The following TRIM24 variants were observed in gnomAD, a reference collection of about 807,000 sequenced individuals.
TRIM24 encodes transcription intermediary factor 1-alpha.
Under a neutral mutation model 123.9 loss-of-function variants are expected in TRIM24, and 29 were observed. That is an observed-to-expected ratio of 0.23 (90% CI 0.17 to 0.32). TRIM24 has a LOEUF of 0.32. Among genes scored for constraint, TRIM24 ranks in the 10% least tolerant of loss-of-function variants. The pLI is 1.00. For synonymous variants in TRIM24, 456 were observed against 461.1 expected (o/e 0.99, Z 0.14); for missense variants, 932 against 1,295.3 (o/e 0.72, Z 4.31).
At chr7:138,506,477 A>G (rs79337229) in intron 2 of TRIM24, among the ~76,000 whole-genome samples, 638 of 152,352 alleles carry the variant, frequency 4.2e-3, no homozygotes, top group Non-Finnish European at 6.2e-3. Context: ...TCAATCCAGA[A>G]AACTAAAAAA....
intron 9 of TRIM24, among the ~76,000 whole-genome samples, chr7:138,562,982 C>T (rs1797458040): frequency 6.6e-6 from 1 of 152,186 alleles, no homozygotes; most frequent in East Asian, 1.9e-4. Flanking sequence ...TCTTGTCCTC[C>T]TATAACGAAC....
At chr7:138,473,759 T>C (rs1795329381) in intron 1 of TRIM24, among the ~76,000 whole-genome samples, 1 of 152,242 alleles carries the variant, frequency 6.6e-6, no homozygotes, top group Admixed American at 6.5e-5. Context: ...CAGTATGTTA[T>C]AGCCATTCCT....
At chr7:138,530,227 T>TA (rs1211902008) in intron 6 of TRIM24, among the ~76,000 whole-genome samples, 3,319 of 142,754 alleles carry the variant, frequency 0.023, 94 homozygotes, top group African/African-American at 0.074. Context: ...TCTGTGACTT[T>TA]AAAAAAAAAA....
At chr7:138,476,744 T>C (rs569762690) in intron 1 of TRIM24, among the ~76,000 whole-genome samples, 1 of 152,226 alleles carries the variant, frequency 6.6e-6, no homozygotes, top group South Asian at 2.1e-4. Context: ...TTTGGTAATA[T>C]CTAGTAAAAT....
At chr7:138,483,674 TG>T (rs775620406) in intron 1 of TRIM24, among the ~76,000 whole-genome samples, 5 of 152,326 alleles carry the variant, frequency 3.3e-5, no homozygotes, top group Non-Finnish European at 7.3e-5. Context: ...TGTATAGCCC[TG>T]GGGAGGACAC....
chr7:138,559,244 G>C (rs1304425527), intron 9 of TRIM24, among the ~76,000 whole-genome samples: 1 of 152,118 alleles, frequency 6.6e-6, no homozygotes, highest in Non-Finnish European at 1.5e-5. Flanking sequence ...ATATAGTACA[G>C]CAGAGTCCTA....
chr7:138,465,484 AATATTG>A (rs1795116271), intron 1 of TRIM24, among the ~76,000 whole-genome samples: 1 of 152,226 alleles, frequency 6.6e-6, no homozygotes, highest in Non-Finnish European at 1.5e-5. Flanking sequence ...CCTAAAAGAC[AATATTG>A]AAGAGCTATT....
At chr7:138,508,728 T>TGCGTGTGTGTGC (rs1485995449) in intron 2 of TRIM24, among the ~76,000 whole-genome samples, 13 of 136,404 alleles carry the variant, frequency 9.5e-5, no homozygotes, top group African/African-American at 3.5e-4. Flanking sequence ...TGCGTGTGTG[T>TGCGTGTGTGTGC]GTGTGTGTGT....
intron 7 of TRIM24, among the ~76,000 whole-genome samples, chr7:138,544,598 C>T (rs1276432181): frequency 3.9e-5 from 6 of 152,156 alleles, no homozygotes; most frequent in East Asian, 3.8e-4. Context: ...TATCGTTATC[C>T]GTAGTGGTTG....
Position 138,580,652 on chromosome 7 carries a change from G to A in TRIM24, c.2676G>A (p.Lys892=), listed in dbSNP as rs140118043. The A allele has an allele frequency of 6.2e-7, 1 of 1,613,838 alleles. No individual in the cohort carries two copies. Among genetic ancestry groups the A allele is most frequent in the Non-Finnish European group, 8.5e-7 (1 of 1,179,882 alleles). Residue 892 remains lysine, a synonymous_variant, in exon 16 of 19, where the codon AAG becomes AAA. Coordinates refer to ENST00000343526, the MANE Select transcript of TRIM24 (RefSeq NM_015905.3). ...CTCCCAGTCACAACTCAGAAAAAAAGAAAACTGAAGGCCTTGTTAAGTTAA... is the reference window on the plus strand; with the variant it reads ...CTCCCAGTCACAACTCAGAAAAAAAAAAAACTGAAGGCCTTGTTAAGTTAA... ...CDAPSHNSEK[K]KTEGLVKLTP... is the part of the protein sequence containing the mutation.
chr7:138,507,262 A>G (rs1273273020), intron 2 of TRIM24, among the ~76,000 whole-genome samples: 1 of 152,178 alleles, frequency 6.6e-6, no homozygotes, highest in Non-Finnish European at 1.5e-5. Context: ...CTAGATCAAT[A>G]GCCATCAACT....
chr7:138,537,106 C>T (rs547055129), intron 6 of TRIM24, among the ~76,000 whole-genome samples: 24 of 152,092 alleles, frequency 1.6e-4, no homozygotes, highest in Admixed American at 1.3e-4. Flanking sequence ...TTCCAGGTGC[C>T]GTCTGTCACA....
chr7:138,549,366 A>G (rs1797165066), intron 7 of TRIM24, among the ~76,000 whole-genome samples: 1 of 152,178 alleles, frequency 6.6e-6, no homozygotes, highest in Non-Finnish European at 1.5e-5. Flanking sequence ...GGAAATCACC[A>G]ACAATGGAGA....
At position 138,474,883 on chromosome 7, in the gene TRIM24, T is replaced by C. The variant is rs777008482; in HGVS notation, c.364+13971T>C. Among the ~76,000 whole-genome samples, 4 of 152,226 alleles carry C rather than the reference T, an allele frequency of 2.6e-5. No individual in the cohort carries two copies. The South Asian group carries it at 8.3e-4, about 32-fold the overall frequency. ...TATGTCAGGAAAACAATAGGGAAGA[T>C]GTTCTGCAGGAAATCCTTGTGTCTA... On this transcript the variant is annotated intron_variant, in intron 1 of 18. Coordinates refer to ENST00000343526, the MANE Select transcript of TRIM24 (RefSeq NM_015905.3).
At chr7:138,508,700 CGTGTGTGCGTGTGTGTGTGCGTGTGT>C (rs1796212619) in intron 2 of TRIM24, among the ~76,000 whole-genome samples, 4 of 35,510 alleles carry the variant, frequency 1.1e-4, no homozygotes, top group African/African-American at 2.9e-4. Flanking sequence ...TGTGCGCGCG[CGTGTGTGCGTGTGTGTGTGCGTGTGT>C]GTGTGTGTGT....
At position 138,551,094 on chromosome 7, in the gene TRIM24, C is replaced by A; in HGVS notation, c.1175C>A (p.Ala392Glu). ...TACCGGTTACGGCACCTCCTTCGTG[C>A]AAGGTGTGATGCATCCCCAGTGACC... is the stretch of plus-strand genomic sequence containing the variant. ...ITYRLRHLLR[A>E]RCDASPVTNN... The change falls in exon 8 of 19, where the codon GCA (alanine) becomes GAA (glutamate). Residue 392 changes from alanine to glutamate, a missense_variant. Around this residue, in one of 7 missense-constraint regions of TRIM24, gnomAD observed 527 missense variants for 691.3 expected, o/e 0.76. Transcript: ENST00000343526. The A allele has an allele frequency of 6.2e-7, 1 of 1,613,824 alleles. No homozygotes were observed. Among genetic ancestry groups the A allele is most frequent in the Non-Finnish European group, 8.5e-7 (1 of 1,179,790 alleles).
In TRIM24 at chr7:138,570,859, A is replaced by G; in HGVS notation, c.1734A>G (p.Pro578=). 6.2e-7 allele frequency: 1 copy of G among 1,614,064 alleles called. No homozygotes were observed. Among genetic ancestry groups the G allele is most frequent in the Non-Finnish European group, 8.5e-7 (1 of 1,180,004 alleles). ...AGATCAGCAGTGGACAGGGAACCCC[A>G]TCAACTACCAACAGCACATCCTCTA... ...QWQISSGQGT[P]STTNSTSSTP... The change falls in exon 11 of 19, where the codon CCA becomes CCG. Residue 578 remains proline, a synonymous_variant. Coordinates refer to ENST00000343526, the MANE Select transcript of TRIM24 (RefSeq NM_015905.3).
intron 6 of TRIM24, among the ~76,000 whole-genome samples, chr7:138,529,716 C>T (rs1239001307): frequency 6.6e-6 from 1 of 152,134 alleles, no homozygotes; most frequent in Admixed American, 6.5e-5. Flanking sequence ...ATGCCCAAGG[C>T]ACTTAGTTGT....
intron 9 of TRIM24, among the ~76,000 whole-genome samples, chr7:138,557,242 C>T (rs1217140418): frequency 6.6e-6 from 1 of 152,148 alleles, no homozygotes; most frequent in Non-Finnish European, 1.5e-5. Context: ...TGGAGTGAGT[C>T]AGCTAAGTAC....
Sources: gnomAD v4.1 joint callset for allele counts (sites outside exome capture counted in the v4.1 genomes callset) on GRCh38, gnomAD v4.1.1 for gene constraint, gnomAD v4.1.1 regional missense constraint, MANE v1.5 for transcripts, NCBI Gene and HGNC (gene_info 2026-07-23, HGNC 2026-07-21) for gene names.